The following DNAH6 variants were observed in gnomAD, a reference collection of about 807,000 sequenced individuals.
The protein encoded by DNAH6 is axonemal beta dynein heavy chain 6.
DNAH6 carries 340 observed loss-of-function variants against 491.4 expected under a neutral mutation model. The ratio of observed to expected loss-of-function variants is 0.69; its 90% CI spans 0.63 to 0.76. The LOEUF (loss-of-function observed/expected upper bound fraction) is 0.76. DNAH6 is among the 30% of genes least tolerant of loss of function. DNAH6 has a pLI of 0.00. For missense variants in DNAH6, 4,443 were observed against 4,972.2 expected, an observed-to-expected ratio of 0.89 and a Z score of 3.20; for synonymous variants, 1,603 against 1,686.1, an observed-to-expected ratio of 0.95 and a Z score of 1.21.
chr2:84,797,920 T>C (rs1678500551), intron 70 of DNAH6, among the ~76,000 whole-genome samples: 1 of 152,164 alleles, frequency 6.6e-6, no homozygotes. Flanking sequence ...CCATCCATAA[T>C]CTACCTGATC....
chr2:84,541,674 A>G (rs1573551820), intron 4 of DNAH6, among the ~76,000 whole-genome samples: 1 of 152,238 alleles, frequency 6.6e-6, no homozygotes, highest in Non-Finnish European at 1.5e-5. Flanking sequence ...AAACCTCTCC[A>G]TCTCCATTTG....
intron 37 of DNAH6, among the ~76,000 whole-genome samples, chr2:84,661,566 A>G (rs1250275957): frequency 6.6e-6 from 1 of 152,186 alleles, no homozygotes; most frequent in African/African-American, 2.4e-5. Context: ...CAAAATACCA[A>G]CTACTTAGGA....
At chr2:84,674,947 C>G (rs996430300) in intron 40 of DNAH6, among the ~76,000 whole-genome samples, 1 of 152,232 alleles carries the variant, frequency 6.6e-6, no homozygotes, top group African/African-American at 2.4e-5. Context: ...CACAGTCCCA[C>G]TGAGGCATAA....
chr2:84,551,254 T>G (rs968708083), intron 9 of DNAH6, among the ~76,000 whole-genome samples: 1 of 152,222 alleles, frequency 6.6e-6, no homozygotes, highest in East Asian at 1.9e-4. Context: ...AATTTCTCCT[T>G]TTTATAAATA....
In DNAH6 at chr2:84,813,961, A is replaced by C. The variant is rs950802340; in HGVS notation, c.11999-10A>C. ...GTTTGAACGCAGCTTTCCGATTTTC[A>C]CAATTACAGGAACTCTTCAAAATCA... is the stretch of plus-strand genomic sequence containing the variant. On this transcript the variant is annotated splice_polypyrimidine_tract_variant and intron_variant, in intron 74 of 76. Coordinates refer to ENST00000389394, the MANE Select transcript of DNAH6 (RefSeq NM_001370.2). The C allele has an allele frequency of 6.4e-6, 10 of 1,551,524 alleles. No homozygotes were observed. Among genetic ancestry groups the C allele is most frequent in the Admixed American group, 5.9e-5 (3 of 50,982 alleles).
At position 84,733,496 on chromosome 2, in the gene DNAH6, C is replaced by T. The variant is rs994650522; in HGVS notation, c.10259C>T (p.Ala3420Val). 7.1e-6 allele frequency: 11 copies of T among 1,551,322 alleles called. No individual in the cohort carries two copies. Among genetic ancestry groups the T allele is most frequent in the Middle Eastern group, 1.7e-4 (1 of 6,012 alleles). ...APWLPTATWF[A>V]CCDLEESFPV... Reference sequence around the variant, plus strand: ...TGGCTACCTACTGCTACATGGTTCGCATGCTGTGACTTGGAAGAATCATTT... The same window carrying T: ...TGGCTACCTACTGCTACATGGTTCGTATGCTGTGACTTGGAAGAATCATTT... Residue 3420 changes from alanine to valine, a missense_variant, in exon 62 of 77, where the codon GCA becomes GTA. Transcript: ENST00000389394.
intron 63 of DNAH6, among the ~76,000 whole-genome samples, chr2:84,755,249 G>T (rs559738955): frequency 6.6e-6 from 1 of 152,244 alleles, no homozygotes; most frequent in South Asian, 2.1e-4. Flanking sequence ...GCAAGTTTGG[G>T]CCTCTCTTGC....
chr2:84,783,085 A>C (rs1676843071), intron 65 of DNAH6, among the ~76,000 whole-genome samples: 1 of 152,240 alleles, frequency 6.6e-6, no homozygotes. Flanking sequence ...TTGAACCAGT[A>C]GGAAATAAAA....
At chr2:84,814,226 A>C in intron 75 of DNAH6, 104 bp downstream of exon 75, 3 of 1,204,020 alleles carry the variant, frequency 2.5e-6, no homozygotes, top group Non-Finnish European at 3.5e-6. Flanking sequence ...TCCCATTGGC[A>C]GGAGCAGGAA....
At chr2:84,494,418 C>T in the DNAH6 span, among the ~76,000 whole-genome samples, 3 of 152,184 alleles carry the variant, frequency 2.0e-5, no homozygotes, top group Non-Finnish European at 4.4e-5. Context: ...TCCTACTGTA[C>T]TCATTATGTC....
At chr2:84,531,137 A>G (rs1395726691) in intron 4 of DNAH6, among the ~76,000 whole-genome samples, 2 of 152,166 alleles carry the variant, frequency 1.3e-5, no homozygotes, top group Non-Finnish European at 2.9e-5. Flanking sequence ...CTTCCAGGTC[A>G]TAGGTAGATG....
chr2:84,579,404 C>A lies in DNAH6; in HGVS notation c.2077-123C>A, dbSNP rs554751361. ...AGTGATTTAAAGAGAAAAAAAGTCTCTTCGTATTCACTGCTGCTTCCAATG... is the reference window on the plus strand; with the variant it reads ...AGTGATTTAAAGAGAAAAAAAGTCTATTCGTATTCACTGCTGCTTCCAATG... On this transcript the variant is annotated intron_variant, in intron 13 of 76. Transcript: ENST00000389394. 8.0e-4 allele frequency: 841 copies of A among 1,044,930 alleles called. 2 individuals carry two copies. The African/African-American group carries it at 0.012, about 14-fold the overall frequency. The allele number at this position is 1,044,930 out of a possible 1,614,324, so 64.7% of individuals were successfully genotyped here. A position where few individuals can be genotyped will look rare whatever the true frequency, so the allele number is the denominator to read the frequency against.
At chr2:84,712,872 A>G (rs1374540221) in intron 56 of DNAH6, among the ~76,000 whole-genome samples, 2 of 152,228 alleles carry the variant, frequency 1.3e-5, no homozygotes, top group Middle Eastern at 3.2e-3. Context: ...CTAAATAGAT[A>G]TATTGCCTTC....
chr2:84,485,521 A>G, the DNAH6 span, among the ~76,000 whole-genome samples: 1,732 of 152,242 alleles, frequency 0.011, 31 homozygotes, highest in African/African-American at 0.04. Context: ...ATCTTCCTGC[A>G]TTAAGACCTA....
intron 35 of DNAH6, among the ~76,000 whole-genome samples, chr2:84,656,260 G>A (rs759196052): frequency 2.6e-5 from 4 of 152,140 alleles, no homozygotes; most frequent in Non-Finnish European, 5.9e-5. Flanking sequence ...AAGCATTAAT[G>A]TGCAGGTTTT....
the DNAH6 span, among the ~76,000 whole-genome samples, chr2:84,497,213 C>T: frequency 1.3e-5 from 2 of 152,248 alleles, no homozygotes; most frequent in East Asian, 1.9e-4. Context: ...TCTAGTGACC[C>T]GCCAGCCTTG....
At chr2:84,651,813 C>A (rs1003381621) in intron 33 of DNAH6, among the ~76,000 whole-genome samples, 3 of 152,100 alleles carry the variant, frequency 2.0e-5, no homozygotes. Flanking sequence ...AAAAGTAAAT[C>A]TGTTCCATCT....
chr2:84,808,131 ATGTGTGTGTGTG>A (rs35839006), intron 71 of DNAH6, among the ~76,000 whole-genome samples: 28 of 141,258 alleles, frequency 2.0e-4, no homozygotes, highest in African/African-American at 3.9e-4. Context: ...GTGTATATAT[ATGTGTGTGTGTG>A]TGTGTGTGTG....
At chr2:84,605,288 G>A (rs1685645992) in intron 19 of DNAH6, among the ~76,000 whole-genome samples, 1 of 149,762 alleles carries the variant, frequency 6.7e-6, no homozygotes, top group African/African-American at 2.5e-5. Flanking sequence ...AGGAGGTGGA[G>A]CTTGCAGTGA....
Sources: allele counts gnomAD v4.1 joint callset (sites outside exome capture counted in the v4.1 genomes callset), GRCh38; gene constraint gnomAD v4.1.1; transcripts MANE v1.5; gene names NCBI Gene and HGNC (gene_info 2026-07-23, HGNC 2026-07-21).